Variants in STARD13 observed in about 807,000 individuals in gnomAD.
STARD13 encodes stAR-related lipid transfer protein 13.
A neutral mutation model predicts 106.4 loss-of-function variants in STARD13; 62 were observed. The ratio of observed to expected loss-of-function variants is 0.58; its 90% confidence interval spans 0.48 to 0.72. The LOEUF (loss-of-function observed/expected upper bound fraction) is 0.72. STARD13 is among the 30% of genes least tolerant of loss of function. STARD13 has a pLI of 0.00. For synonymous variants in STARD13, 565 were observed against 553.0 expected, an observed-to-expected ratio of 1.02 and a Z score of -0.31; for missense variants, 1,387 against 1,424.0, an observed-to-expected ratio of 0.97 and a Z score of 0.42.
Position 33,240,268 on chromosome 13 carries a change from A to G in STARD13, c.169+45202T>C, listed in dbSNP as rs548599731. 4.6e-5 allele frequency among the ~76,000 whole-genome samples: 7 copies of G among 152,220 alleles called. No individual in the cohort carries two copies. The East Asian group carries it at 1.4e-3, about 29-fold the overall frequency. On this transcript the variant is annotated intron_variant, in intron 1 of 13. Transcript: ENST00000336934. ...ATGTCTGTCTTCATGCCGGTAACAT[A>G]CTGTTTTGATTACTGAAGCTTAGTA...
At chr13:33,159,476 A>C (rs1311714529) in intron 3 of STARD13, among the ~76,000 whole-genome samples, 5 of 152,228 alleles carry the variant, frequency 3.3e-5, no homozygotes, top group Non-Finnish European at 7.3e-5. Flanking sequence ...CCGCTAAGCC[A>C]CCTATATCAT....
At chr13:33,265,809 C>A (rs1236994640) in intron 1 of STARD13, among the ~76,000 whole-genome samples, 1 of 151,954 alleles carries the variant, frequency 6.6e-6, no homozygotes. Flanking sequence ...ACACAAATCA[C>A]TGAAGAGGTG....
chr13:33,406,047 C>A, the STARD13 span, among the ~76,000 whole-genome samples: 4 of 152,298 alleles, frequency 2.6e-5, no homozygotes, highest in East Asian at 7.7e-4. Flanking sequence ...GAGCTTCAGG[C>A]AACTTAAACA....
intron 1 of STARD13, among the ~76,000 whole-genome samples, chr13:33,317,986 T>C: frequency 6.6e-6 from 1 of 152,192 alleles, no homozygotes; most frequent in East Asian, 1.9e-4. Flanking sequence ...TAGTAAGTAA[T>C]GGAGTCAAGA....
chr13:33,343,577 T>TAAAAAAA (rs1292508834), intron 1 of STARD13, among the ~76,000 whole-genome samples: 417 of 37,090 alleles, frequency 0.011, 54 homozygotes, highest in African/African-American at 0.041. Context: ...GACCCTGTCT[T>TAAAAAAA]AAAAAAAAAA....
intron 1 of STARD13, among the ~76,000 whole-genome samples, chr13:33,242,687 A>G (rs1889590743): frequency 6.6e-6 from 1 of 151,910 alleles, no homozygotes; most frequent in South Asian, 2.1e-4. Flanking sequence ...CCTTCCCTCC[A>G]CTATTGTCCT....
the STARD13 span, among the ~76,000 whole-genome samples, chr13:33,484,249 A>G: frequency 2.6e-5 from 4 of 152,296 alleles, no homozygotes; most frequent in Middle Eastern, 3.4e-3. Context: ...TCTTTATAAA[A>G]CTAAAACATG....
chr13:33,665,721 AT>A, the STARD13 span, among the ~76,000 whole-genome samples: 1 of 152,334 alleles, frequency 6.6e-6, no homozygotes, highest in Non-Finnish European at 1.5e-5. Context: ...ATGCTGTTTA[AT>A]CAACTGAAAG....
chr13:33,111,420 A>C (rs949520524), intron 10 of STARD13, among the ~76,000 whole-genome samples: 1 of 152,220 alleles, frequency 6.6e-6, no homozygotes, highest in African/African-American at 2.4e-5. Context: ...ATTGGTTCTT[A>C]GCAACAAAGA....
At chr13:33,359,779 A>G in the STARD13 span, among the ~76,000 whole-genome samples, 1 of 152,068 alleles carries the variant, frequency 6.6e-6, no homozygotes, top group Non-Finnish European at 1.5e-5. Context: ...CTATTTCCCC[A>G]CTAGTTTGTA....
chr13:33,311,444 G>T (rs1893134897), intron 1 of STARD13, among the ~76,000 whole-genome samples: 1 of 152,166 alleles, frequency 6.6e-6, no homozygotes. Flanking sequence ...TTTTAGGAAA[G>T]AACTGGGTTC....
In STARD13 at chr13:33,130,249, T is replaced by G. The variant is rs1186592272; in HGVS notation, c.428A>C (p.Lys143Thr). ...SDEEDLCISN[K>T]WTFQRTSRRW... ...GCGACTGGTTCTTTGGAAAGTCCATTTGTTGCTGATACAAAGATCTTCCTC... is the reference window on the plus strand; with the variant it reads ...GCGACTGGTTCTTTGGAAAGTCCATGTGTTGCTGATACAAAGATCTTCCTC... The change falls in exon 5 of 14, where the codon AAA (lysine) becomes ACA (threonine). Residue 143 changes from lysine (K) to threonine (T), a missense_variant. By Grantham distance (78) the Lys-to-Thr change is moderately conservative (BLOSUM62 -1). Transcript: ENST00000336934. This position sits in a 1 kb window ranked among gnomAD's most constrained non-coding sequence, Gnocchi z 4.1. The G allele has an allele frequency of 6.2e-7, 1 of 1,605,820 alleles. No individual in the cohort carries two copies. Among genetic ancestry groups the G allele is most frequent in the African/African-American group, 1.3e-5 (1 of 74,896 alleles).
downstream of STARD13, among the ~76,000 whole-genome samples, chr13:33,345,018 A>C (rs1163341727): frequency 6.6e-6 from 1 of 152,208 alleles, no homozygotes; most frequent in Non-Finnish European, 1.5e-5. Context: ...GATGCCATAA[A>C]AGTTTAGAAT....
chr13:33,440,518 T>C, the STARD13 span, among the ~76,000 whole-genome samples: 1 of 151,630 alleles, frequency 6.6e-6, no homozygotes, highest in Non-Finnish European at 1.5e-5. Flanking sequence ...CTGCTGTCTT[T>C]TCTACCCCTC....
chr13:33,206,806 A>G (rs900126223), intron 1 of STARD13, among the ~76,000 whole-genome samples: 4 of 152,238 alleles, frequency 2.6e-5, no homozygotes, highest in African/African-American at 9.6e-5. Context: ...CAGTGAGTGG[A>G]GGCCACACGT....
At chr13:33,249,567 G>A (rs1188598720) in intron 1 of STARD13, among the ~76,000 whole-genome samples, 3 of 152,094 alleles carry the variant, frequency 2.0e-5, no homozygotes, top group African/African-American at 4.8e-5. Flanking sequence ...TCTAATCCCT[G>A]CAACAATCGT....
chr13:33,556,412 CTG>C, the STARD13 span, among the ~76,000 whole-genome samples: 1 of 151,998 alleles, frequency 6.6e-6, no homozygotes, highest in African/African-American at 2.4e-5. Flanking sequence ...TCCTGAGTGA[CTG>C]AGACCGCAGG....
At chr13:33,495,375 C>T in the STARD13 span, among the ~76,000 whole-genome samples, 1 of 152,094 alleles carries the variant, frequency 6.6e-6, no homozygotes, top group Non-Finnish European at 1.5e-5. Flanking sequence ...TAAGAAAATG[C>T]TAACTTATCA....
the STARD13 span, among the ~76,000 whole-genome samples, chr13:33,449,157 C>G: frequency 6.6e-6 from 1 of 150,710 alleles, no homozygotes; most frequent in South Asian, 2.1e-4. Flanking sequence ...AAGTTTTTAT[C>G]CAAAAAAATC....
Sources: gnomAD v4.1 joint callset for allele counts (sites outside exome capture counted in the v4.1 genomes callset) on GRCh38, gnomAD v4.1.1 for gene constraint, Gnocchi (gnomAD v3.1) non-coding constraint, MANE v1.5 for transcripts, NCBI Gene and HGNC (gene_info 2026-07-23, HGNC 2026-07-21) for gene names.